CADM1: variants seen among roughly 807,000 people sequenced by gnomAD.
The protein encoded by CADM1 is TSLC-1.
A neutral mutation model predicts 53.1 loss-of-function variants in CADM1; 15 were observed. The ratio of observed to expected loss-of-function variants is 0.28; its 90% CI spans 0.19 to 0.44. The LOEUF is 0.44. CADM1 is among the 20% of genes least tolerant of loss of function. CADM1 has a pLI of 1.00. For synonymous variants in CADM1, 281 were observed against 243.0 expected (o/e 1.16, Z -1.45); for missense variants, 434 against 611.3 (o/e 0.71, Z 3.06).
At chr11:115,409,928 G>A (rs1052525632) in intron 1 of CADM1, among the ~76,000 whole-genome samples, 1 of 152,120 alleles carries the variant, frequency 6.6e-6, no homozygotes, top group African/African-American at 2.4e-5. Context: ...AAACATGGAT[G>A]CATCCCAATG....
intron 1 of CADM1, among the ~76,000 whole-genome samples, chr11:115,353,018 A>G (rs1027390249): frequency 6.6e-6 from 1 of 152,212 alleles, no homozygotes. Flanking sequence ...TTCTCTTGAG[A>G]TAACTTTTGA....
At chr11:115,497,664 A>T (rs1268835143) in intron 1 of CADM1, among the ~76,000 whole-genome samples, 1 of 152,216 alleles carries the variant, frequency 6.6e-6, no homozygotes, top group Non-Finnish European at 1.5e-5. Flanking sequence ...TTAAACAAGG[A>T]GGTGCCACTT....
chr11:115,199,661 T>A (rs1940328051), intron 8 of CADM1, among the ~76,000 whole-genome samples: 1 of 152,238 alleles, frequency 6.6e-6, no homozygotes, highest in Non-Finnish European at 1.5e-5. Context: ...TCAACCCATC[T>A]GGCCATACTT....
At chr11:115,335,159 G>A (rs536062121) in intron 1 of CADM1, among the ~76,000 whole-genome samples, 1 of 152,054 alleles carries the variant, frequency 6.6e-6, no homozygotes, top group East Asian at 1.9e-4. Flanking sequence ...CCACGTCAGG[G>A]GTGTGGTTCT....
At chr11:115,178,813 A>C (rs559700868) in intron 10 of CADM1, 38 bp from the exon 11 acceptor site, 2 of 1,612,408 alleles carry the variant, frequency 1.2e-6, no homozygotes, top group Non-Finnish European at 1.7e-6. Context: ...TGTAGAGCTT[A>C]TTACAAGGCA....
chr11:115,274,045 C>T (rs947211139), intron 1 of CADM1, among the ~76,000 whole-genome samples: 8 of 152,186 alleles, frequency 5.3e-5, no homozygotes, highest in Non-Finnish European at 1.0e-4. Context: ...ACTTCCTACC[C>T]GATGCTTTTC....
chr11:115,232,797 CTAAGAATA>C (rs959484333), intron 3 of CADM1, among the ~76,000 whole-genome samples: 1 of 152,046 alleles, frequency 6.6e-6, no homozygotes, highest in African/African-American at 2.4e-5. Context: ...TACAGTGAAT[CTAAGAATA>C]TATGTCCTGA....
chr11:115,297,503 G>A (rs1457726890), intron 1 of CADM1, among the ~76,000 whole-genome samples: 1 of 152,190 alleles, frequency 6.6e-6, no homozygotes, highest in Non-Finnish European at 1.5e-5. Flanking sequence ...CAGATCCACT[G>A]CCAGCTAGTC....
chr11:115,185,434 A>G lies in CADM1; in HGVS notation c.1165+5454T>C, dbSNP rs149302297. Reference sequence around the variant, plus strand: ...TGAAGGTCAAGGCTGTGGGCCTGGCAGGTGAAGGCCGTCTGATTCAGGTTT... The same window carrying G: ...TGAAGGTCAAGGCTGTGGGCCTGGCGGGTGAAGGCCGTCTGATTCAGGTTT... On this transcript the variant is annotated intron_variant, in intron 10 of 11. Transcript: ENST00000331581. Among the ~76,000 whole-genome samples the G allele has an allele frequency of 1.0e-3, 157 of 152,366 alleles. 1 individual carries two copies. The highest frequency in any genetic ancestry group is 3.6e-3 in the African/African-American group (148 of 41,590).
At chr11:115,207,096 T>C (rs944933310) in intron 8 of CADM1, among the ~76,000 whole-genome samples, 9 of 152,248 alleles carry the variant, frequency 5.9e-5, no homozygotes, top group Non-Finnish European at 1.2e-4. Flanking sequence ...AGACTGCTTG[T>C]TAAGACACAG....
chr11:115,295,196 T>G (rs1310600479), intron 1 of CADM1, among the ~76,000 whole-genome samples: 1 of 152,118 alleles, frequency 6.6e-6, no homozygotes, highest in Non-Finnish European at 1.5e-5. Flanking sequence ...CAACTCCATG[T>G]TGACAATAGA....
At position 115,170,476 on chromosome 11, in the gene CADM1, CAA is replaced by C. The variant is rs1393141787; in HGVS notation, c.*5996_*5997del. On this transcript the variant is annotated 3_prime_UTR_variant, in exon 12 of 12. Coordinates refer to ENST00000331581, the MANE Select transcript of CADM1 (RefSeq NM_001301043.2). ...AATAAATAAAAACATAAAAATGAAA[CAA>C]AGTTTCCTGTGTACTGAAGAGGCTG... is the stretch of plus-strand genomic sequence containing the variant. The C allele has an allele frequency of 6.6e-6, 1 of 151,706 alleles. No individual in the cohort carries two copies. Among genetic ancestry groups the C allele is most frequent in the Non-Finnish European group, 1.5e-5 (1 of 67,980 alleles). The allele number at this position is 151,706 out of a possible 1,614,324, so 9.4% of individuals were successfully genotyped here.
chr11:115,376,288 C>A (rs970059995), intron 1 of CADM1, among the ~76,000 whole-genome samples: 5 of 152,086 alleles, frequency 3.3e-5, no homozygotes, highest in African/African-American at 1.2e-4. Context: ...ACAATACCTG[C>A]ACATTAATGT....
intron 1 of CADM1, among the ~76,000 whole-genome samples, chr11:115,493,278 TAA>T (rs536260260): frequency 1.2e-4 from 15 of 122,450 alleles, no homozygotes; most frequent in Admixed American, 2.5e-4. Flanking sequence ...TGTAATTTTC[TAA>T]AAAAAAAAAA....
At chr11:115,444,545 TACTAA>T (rs1283900690) in intron 1 of CADM1, among the ~76,000 whole-genome samples, 2 of 152,220 alleles carry the variant, frequency 1.3e-5, no homozygotes, top group Admixed American at 6.5e-5. Flanking sequence ...ATAATGTTGT[TACTAA>T]ACTAAAGGGA....
intron 1 of CADM1, among the ~76,000 whole-genome samples, chr11:115,314,760 C>T (rs951658460): frequency 6.6e-6 from 1 of 152,120 alleles, no homozygotes; most frequent in African/African-American, 2.4e-5. Flanking sequence ...AAAACACCCA[C>T]CAAGCGTTCA....
At chr11:115,332,589 T>C (rs539317926) in intron 1 of CADM1, among the ~76,000 whole-genome samples, 2 of 152,166 alleles carry the variant, frequency 1.3e-5, no homozygotes, top group South Asian at 4.2e-4. Flanking sequence ...GTGAGAAGTA[T>C]GTAAAGTTGG....
chr11:115,426,287 A>G (rs1947890249), intron 1 of CADM1, among the ~76,000 whole-genome samples: 2 of 152,110 alleles, frequency 1.3e-5, no homozygotes, highest in African/African-American at 4.8e-5. Flanking sequence ...AATTGAAGAA[A>G]CTAATTACAA....
At chr11:115,456,320 AC>A (rs1042068248) in intron 1 of CADM1, among the ~76,000 whole-genome samples, 5 of 152,132 alleles carry the variant, frequency 3.3e-5, no homozygotes, top group Non-Finnish European at 7.4e-5. Flanking sequence ...CAAAAAAAAA[AC>A]TGCATATAAA....
Sources: allele counts gnomAD v4.1 joint callset (sites outside exome capture counted in the v4.1 genomes callset), GRCh38; gene constraint gnomAD v4.1.1; transcripts MANE v1.5; gene names NCBI Gene and HGNC (gene_info 2026-07-23, HGNC 2026-07-21).